The following KLRG1 variants were observed in gnomAD, a reference collection of about 807,000 sequenced individuals.
KLRG1 encodes the protein killer cell lectin like receptor G1.
In KLRG1, 16 loss-of-function variants were observed where a neutral mutation model predicts 21.8. That is an observed-to-expected ratio of 0.73 (90% CI 0.50 to 1.11). The LOEUF (loss-of-function observed/expected upper bound fraction) is 1.11. Ranked by LOEUF, KLRG1 falls within the 50% of genes most tolerant of loss-of-function variation. The pLI, the probability that KLRG1 is intolerant of heterozygous loss-of-function variation, is 0.00. For synonymous variants in KLRG1, 69 were observed against 75.9 expected (o/e 0.91, Z 0.47); for missense variants, 173 against 218.3 (o/e 0.79, Z 1.31).
intron 2 of KLRG1, among the ~76,000 whole-genome samples, chr12:8,992,746 C>T (rs1367722020): frequency 6.6e-6 from 1 of 151,884 alleles, no homozygotes; most frequent in Non-Finnish European, 1.5e-5. Flanking sequence ...CCATGTTGCC[C>T]AGGCTGATCT....
the KLRG1 span, among the ~76,000 whole-genome samples, chr12:9,130,696 A>G: frequency 2.6e-5 from 4 of 151,838 alleles, no homozygotes; most frequent in African/African-American, 9.7e-5. Context: ...TATATTGTGG[A>G]TAATAACTTC....
At chr12:9,095,435 A>T in the KLRG1 span, 1 of 1,146,932 alleles carries the variant, frequency 8.7e-7, no homozygotes, top group African/African-American at 1.6e-5. Flanking sequence ...TTTATATCCC[A>T]TTACCCTCAA....
intron 4 of KLRG1, 42 bp from the exon 5 acceptor site, chr12:9,009,384 T>G (rs1332547473): frequency 6.2e-7 from 1 of 1,610,088 alleles, no homozygotes; most frequent in Non-Finnish European, 8.5e-7. Context: ...TCCTTTTCTG[T>G]GCATGCGGCC....
the KLRG1 span, among the ~76,000 whole-genome samples, chr12:9,132,844 C>T: frequency 2.6e-5 from 4 of 152,124 alleles, no homozygotes; most frequent in African/African-American, 9.7e-5. Context: ...AAAATTTCCA[C>T]CTGATTAATG....
the KLRG1 span, among the ~76,000 whole-genome samples, chr12:9,084,953 TA>T: frequency 6.9e-4 from 105 of 152,212 alleles, no homozygotes; most frequent in East Asian, 9.6e-4. Flanking sequence ...TATATAATGA[TA>T]AAAGGGTCAA....
the KLRG1 span, chr12:9,058,874 A>C: frequency 6.5e-6 from 1 of 152,810 alleles, no homozygotes; most frequent in Admixed American, 6.5e-5. Flanking sequence ...TAGATCTTTC[A>C]AGCTAAGGAA....
chr12:9,160,742 G>A, the KLRG1 span, among the ~76,000 whole-genome samples: 15 of 152,116 alleles, frequency 9.9e-5, no homozygotes, highest in South Asian at 6.2e-4. Context: ...GTGAAACCCC[G>A]TCTCTACTAA....
chr12:8,951,034 TAA>T (rs3834490), intron 1 of KLRG1, among the ~76,000 whole-genome samples: 45 of 148,530 alleles, frequency 3.0e-4, no homozygotes, highest in Non-Finnish European at 4.8e-4. Flanking sequence ...GTTGCCCCAA[TAA>T]AAAAAAAAAT....
chr12:9,138,597 A>G, the KLRG1 span, among the ~76,000 whole-genome samples: 3 of 151,948 alleles, frequency 2.0e-5, no homozygotes, highest in African/African-American at 7.2e-5. Context: ...AAAAATGTGT[A>G]TTAGAATCTA....
the KLRG1 span, chr12:9,115,662 G>A: frequency 2.7e-4 from 224 of 840,712 alleles, 3 homozygotes; most frequent in South Asian, 3.4e-3. Flanking sequence ...GAGATAAGAA[G>A]ATGACAGTAT....
the KLRG1 span, among the ~76,000 whole-genome samples, chr12:9,052,637 C>T: frequency 2.6e-5 from 4 of 152,220 alleles, no homozygotes; most frequent in African/African-American, 9.6e-5. Flanking sequence ...AGACAGCCGT[C>T]TCCTTCCTCA....
the KLRG1 span, among the ~76,000 whole-genome samples, chr12:9,102,102 A>G: frequency 6.6e-6 from 1 of 152,226 alleles, no homozygotes; most frequent in Non-Finnish European, 1.5e-5. Flanking sequence ...ATGAATAAAT[A>G]AAATATTGTA....
chr12:9,068,136 A>C, the KLRG1 span: 1 of 1,606,312 alleles, frequency 6.2e-7, no homozygotes, highest in South Asian at 1.1e-5. Context: ...TTGGGGGGCA[A>C]GCTGAAGGAG....
chr12:8,963,549 A>T (rs749349498), intron 1 of KLRG1, among the ~76,000 whole-genome samples: 2 of 152,228 alleles, frequency 1.3e-5, no homozygotes, highest in Admixed American at 1.3e-4. Flanking sequence ...CTGGCCTCAT[A>T]AAATGAGTTA....
At chr12:9,141,726 T>C in the KLRG1 span, among the ~76,000 whole-genome samples, 1 of 152,208 alleles carries the variant, frequency 6.6e-6, no homozygotes, top group East Asian at 1.9e-4. Context: ...TGTAAACTGT[T>C]TTTTCAATAG....
the KLRG1 span, among the ~76,000 whole-genome samples, chr12:9,126,204 T>C: frequency 6.6e-6 from 1 of 152,266 alleles, no homozygotes; most frequent in Non-Finnish European, 1.5e-5. Context: ...GTATTTAATA[T>C]TGTACTAGTT....
the KLRG1 span, among the ~76,000 whole-genome samples, chr12:9,203,184 C>T: frequency 1.3e-5 from 2 of 152,246 alleles, no homozygotes; most frequent in Admixed American, 6.5e-5. Flanking sequence ...TAGAAAACTC[C>T]TCTAAGTCAT....
chr12:9,115,818 A>G, the KLRG1 span: 1 of 1,613,576 alleles, frequency 6.2e-7, no homozygotes, highest in South Asian at 1.1e-5. Context: ...GAGAAGAACC[A>G]GACTTGGATG....
the KLRG1 span, among the ~76,000 whole-genome samples, chr12:9,124,700 G>A: frequency 2.0e-5 from 3 of 152,218 alleles, no homozygotes; most frequent in Non-Finnish European, 4.4e-5. Context: ...CAGGCTCAGG[G>A]GTGTCTGCTC....
Sources: gnomAD v4.1 joint callset for allele counts (sites outside exome capture counted in the v4.1 genomes callset) on GRCh38, gnomAD v4.1.1 for gene constraint, MANE v1.5 for transcripts, NCBI Gene and HGNC (gene_info 2026-07-23, HGNC 2026-07-21) for gene names.